ANKUB1: variants seen among roughly 807,000 people sequenced by gnomAD.
The protein encoded by ANKUB1 is ankyrin repeat and ubiquitin domain containing 1.
A neutral mutation model predicts 49.3 loss-of-function variants in ANKUB1; 42 were observed. That is an observed-to-expected ratio of 0.85 (90% CI 0.67 to 1.10). The LOEUF (loss-of-function observed/expected upper bound fraction) is 1.10. ANKUB1 is among the 50% of genes least tolerant of loss of function. The probability of loss-of-function intolerance (pLI) is 0.00; values close to 1 mark genes in which losing one functional copy is unlikely to be tolerated. For synonymous variants in ANKUB1, 222 were observed against 231.0 expected (o/e 0.96, Z 0.35); for missense variants, 613 against 642.0 (o/e 0.95, Z 0.49).
chr3:149,785,309 G>A (rs4681191), intron 2 of ANKUB1, among the ~76,000 whole-genome samples: 106,743 of 151,904 alleles, frequency 0.7, 37,804 homozygotes, highest in East Asian at 0.9. Context: ...TGTGCACAAC[G>A]TGCAGGTTTG....
chr3:149,787,478 A>G (rs1251054850), intron 2 of ANKUB1, among the ~76,000 whole-genome samples: 1 of 152,156 alleles, frequency 6.6e-6, no homozygotes, highest in Admixed American at 6.5e-5. Context: ...GGCTGAGACA[A>G]TGGGGTTTTC....
intron 2 of ANKUB1, among the ~76,000 whole-genome samples, chr3:149,789,630 C>T (rs201530223): frequency 6.4e-5 from 9 of 140,544 alleles, no homozygotes; most frequent in Admixed American, 7.2e-5. Context: ...GAAGAATATT[C>T]TTTTTTTTTT....
intron 2 of ANKUB1, among the ~76,000 whole-genome samples, chr3:149,789,636 T>A (rs1718268309): frequency 6.6e-6 from 1 of 151,208 alleles, no homozygotes; most frequent in African/African-American, 2.4e-5. Context: ...TATTCTTTTT[T>A]TTTTTTTTTC....
chr3:149,770,423 G>A (rs141289343), intron 4 of ANKUB1, 137 bp downstream of exon 4: 12,598 of 643,622 alleles, frequency 0.02, 180 homozygotes, highest in Non-Finnish European at 0.027. Context: ...ATAATATTTG[G>A]TTGAGACATA....
rs1717804351 is a variant in ANKUB1 at position 149,780,348 on chromosome 3, T to G, written c.342A>C (p.Thr114=). The G allele has an allele frequency of 6.4e-7, 1 of 1,551,848 alleles. No homozygotes were observed. Among genetic ancestry groups the G allele is most frequent in the South Asian group, 1.2e-5 (1 of 84,052 alleles). The change falls in exon 3 of 6, where the codon ACA becomes ACC. Residue 114 remains threonine (T), a synonymous_variant. Coordinates refer to ENST00000446160, the MANE Select transcript of ANKUB1 (RefSeq NM_001144960.3). ...LLDKTVSDLR[T]LVTLRCGLPV... ...GGAGGCCACATCTCAGAGTTACCAGTGTTCTCAGATCAGACACTGTTTTAT... is the reference window on the plus strand; with the variant it reads ...GGAGGCCACATCTCAGAGTTACCAGGGTTCTCAGATCAGACACTGTTTTAT...
chr3:149,789,249 C>T (rs1021198398), intron 2 of ANKUB1, among the ~76,000 whole-genome samples: 5 of 152,098 alleles, frequency 3.3e-5, no homozygotes, highest in Non-Finnish European at 5.9e-5. Flanking sequence ...CCTGAAAAGC[C>T]GTCAGATTCT....
intron 2 of ANKUB1, among the ~76,000 whole-genome samples, chr3:149,785,300 G>A (rs1488296727): frequency 1.3e-5 from 2 of 152,046 alleles, no homozygotes; most frequent in South Asian, 2.1e-4. Context: ...TAGGGTACAT[G>A]TGCACAACGT....
In ANKUB1 at chr3:149,791,619, C is replaced by T. The variant is rs188882561; in HGVS notation, c.90+658G>A. Among the ~76,000 whole-genome samples the T allele has an allele frequency of 7.2e-5, 11 of 152,134 alleles. No individual in the cohort carries two copies. In the East Asian group the frequency reaches 9.6e-4, roughly 13 times the overall value. ...CATGTAACTATGGTTCAGTAAATGC[C>T]GCTTAGCAAATAGGAATGACCATCT... On this transcript the variant is annotated intron_variant, in intron 1 of 5. Transcript: ENST00000446160.
At chr3:149,787,474 G>A (rs1211716957) in intron 2 of ANKUB1, among the ~76,000 whole-genome samples, 1 of 152,160 alleles carries the variant, frequency 6.6e-6, no homozygotes, top group Non-Finnish European at 1.5e-5. Context: ...TTTGGGCTGA[G>A]ACAATGGGGT....
intron 1 of ANKUB1, among the ~76,000 whole-genome samples, chr3:149,791,579 T>C (rs2108284792): frequency 6.6e-6 from 1 of 152,334 alleles, no homozygotes; most frequent in African/African-American, 2.4e-5. Flanking sequence ...ATCATCATAA[T>C]AATCTACTGA....
At chr3:149,781,649 C>T (rs114253941) in intron 2 of ANKUB1, among the ~76,000 whole-genome samples, 57 of 152,318 alleles carry the variant, frequency 3.7e-4, no homozygotes, top group African/African-American at 1.2e-3. Flanking sequence ...AGGGCCCCCC[C>T]AGTCCTGCAG....
At chr3:149,787,931 C>A (rs1718181233) in intron 2 of ANKUB1, among the ~76,000 whole-genome samples, 1 of 152,076 alleles carries the variant, frequency 6.6e-6, no homozygotes, top group African/African-American at 2.4e-5. Flanking sequence ...CACTTACTTG[C>A]CAAGTTTTTG....
At chr3:149,769,698 G>C (rs1436553202) in intron 4 of ANKUB1, among the ~76,000 whole-genome samples, 1 of 152,118 alleles carries the variant, frequency 6.6e-6, no homozygotes, top group Admixed American at 6.5e-5. Context: ...ATGCTGTACT[G>C]AAAATGAAAA....
chr3:149,779,929 C>A, intron 3 of ANKUB1: 1 of 325,170 alleles, frequency 3.1e-6, no homozygotes, highest in Non-Finnish European at 5.8e-6. Context: ...ATAATGCCTC[C>A]ATTTGTTCAG....
intron 2 of ANKUB1, among the ~76,000 whole-genome samples, chr3:149,790,333 T>C (rs1050346650): frequency 6.6e-6 from 1 of 152,204 alleles, no homozygotes; most frequent in East Asian, 1.9e-4. Flanking sequence ...CTAATTGGAA[T>C]GGCTACTTTG....
chr3:149,789,405 T>C (rs1219510769), intron 2 of ANKUB1, among the ~76,000 whole-genome samples: 2 of 152,086 alleles, frequency 1.3e-5, no homozygotes, highest in African/African-American at 2.4e-5. Context: ...AAACCTAGTA[T>C]GGAAATATAT....
intron 5 of ANKUB1, 117 bp downstream of exon 5, chr3:149,767,040 G>A (rs1576668065): frequency 1.8e-6 from 2 of 1,092,784 alleles, no homozygotes; most frequent in East Asian, 5.2e-5. Context: ...GGGTATTGAT[G>A]CACTGGAACA....
At chr3:149,777,572 C>T (rs1034416953) in intron 3 of ANKUB1, among the ~76,000 whole-genome samples, 2 of 152,230 alleles carry the variant, frequency 1.3e-5, no homozygotes, top group African/African-American at 4.8e-5. Flanking sequence ...TCTGTTCCCT[C>T]ACCTTAAGAC....
In ANKUB1 at chr3:149,761,428, G is replaced by C. The variant is rs1716777959; in HGVS notation, c.*56C>G. The C allele has an allele frequency of 1.3e-6, 2 of 1,537,840 alleles. No individual in the cohort carries two copies. Among genetic ancestry groups the C allele is most frequent in the African/African-American group, 2.8e-5 (2 of 72,512 alleles). On this transcript the variant is annotated 3_prime_UTR_variant, in exon 6 of 6. Coordinates refer to ENST00000446160, the MANE Select transcript of ANKUB1 (RefSeq NM_001144960.3). ...ACTGTTATTAGAAATGTTAACATTA[G>C]AACTGGACATTCTGTTTGATCAGGT...
Sources: gnomAD v4.1 joint callset for allele counts (sites outside exome capture counted in the v4.1 genomes callset) on GRCh38, gnomAD v4.1.1 for gene constraint, MANE v1.5 for transcripts, NCBI Gene and HGNC (gene_info 2026-07-23, HGNC 2026-07-21) for gene names.